Variants in DYNC2H1 observed in about 807,000 individuals in gnomAD.
DYNC2H1 encodes the protein dynein cytoplasmic 2 heavy chain 1.
A neutral mutation model predicts 570.0 loss-of-function variants in DYNC2H1; 410 were observed. The ratio of observed to expected loss-of-function variants is 0.72; its 90% CI spans 0.66 to 0.78. The LOEUF is 0.78. Among genes scored for constraint, DYNC2H1 ranks in the 30% least tolerant of loss-of-function variants. The pLI, the probability that DYNC2H1 is intolerant of heterozygous loss-of-function variation, is 0.00. For synonymous variants in DYNC2H1, 1,688 were observed against 1,677.6 expected (o/e 1.01, Z -0.15); for missense variants, 4,865 against 5,046.4 (o/e 0.96, Z 1.09).
chr11:103,283,049 A>G lies in DYNC2H1; in HGVS notation c.10854A>G (p.Ile3618Met). 6.2e-7 allele frequency: 1 copy of G among 1,608,448 alleles called. No homozygotes were observed. Among genetic ancestry groups the G allele is most frequent in the South Asian group, 1.1e-5 (1 of 89,740 alleles). The change falls in exon 73 of 89, where the codon ATA (isoleucine) becomes ATG (methionine). Residue 3618 changes from isoleucine (I) to methionine (M), a missense_variant. Transcript: ENST00000375735. ...TACGTGATCAGCTTCCGTCTTGGAT[A>G]GATCAGGAACGAAGCTGGGCCGTGG... ...QKIRDQLPSW[I>M]DQERSWAVAT...
At chr11:103,293,572 TA>T (rs1565470659) in intron 75 of DYNC2H1, among the ~76,000 whole-genome samples, 1 of 152,134 alleles carries the variant, frequency 6.6e-6, no homozygotes, top group African/African-American at 2.4e-5. Context: ...CTTTTGAAGT[TA>T]TTTTTTAGAT....
intron 84 of DYNC2H1, chr11:103,406,422 G>A (rs1455036143): frequency 6.6e-6 from 1 of 151,950 alleles, no homozygotes; most frequent in Non-Finnish European, 1.5e-5. Flanking sequence ...AATAGTTGGG[G>A]TAATAAGACT....
chr11:103,219,654 T>A (rs1284949892), intron 55 of DYNC2H1, among the ~76,000 whole-genome samples: 1 of 152,140 alleles, frequency 6.6e-6, no homozygotes, highest in South Asian at 2.1e-4. Flanking sequence ...TTCTATCTTG[T>A]TTAAATTTTA....
At chr11:103,459,260 G>C (rs1944910530) in intron 87 of DYNC2H1, among the ~76,000 whole-genome samples, 1 of 116,888 alleles carries the variant, frequency 8.6e-6, no homozygotes, top group African/African-American at 3.4e-5. Context: ...AGTGAGCCGA[G>C]ATCCCGCCAC....
chr11:103,193,837 C>T (rs1167369101), intron 47 of DYNC2H1, among the ~76,000 whole-genome samples: 2 of 152,120 alleles, frequency 1.3e-5, no homozygotes, highest in African/African-American at 2.4e-5. Context: ...TAAGCCACCA[C>T]ACCCAGCCAG....
chr11:103,431,582 T>C, intron 84 of DYNC2H1, among the ~76,000 whole-genome samples: 1 of 152,182 alleles, frequency 6.6e-6, no homozygotes, highest in South Asian at 2.1e-4. Context: ...ATTATATTAA[T>C]AACTAGGCTC....
At position 103,323,983 on chromosome 11, in the gene DYNC2H1, G is replaced by T; in HGVS notation, c.12032G>T (p.Ser4011Ile). Residue 4011 changes from serine (S) to isoleucine (I), a missense_variant, in exon 82 of 89, where the codon AGT becomes ATT. Transcript: ENST00000375735. ...NIARSSQRMISSQVISQLRIL... is the reference protein window; with the variant it reads ...NIARSSQRMIISQVISQLRIL... ...GCTCGCTCATCTCAGCGCATGATCA[G>T]TTCTCAGGTAACCTAAAAAAAAGAT... 6.3e-7 allele frequency: 1 copy of T among 1,584,128 alleles called. No homozygotes were observed.
intron 82 of DYNC2H1, among the ~76,000 whole-genome samples, chr11:103,355,696 A>T (rs1940302577): frequency 6.6e-6 from 1 of 152,116 alleles, no homozygotes; most frequent in Non-Finnish European, 1.5e-5. Flanking sequence ...CTTCATTTTA[A>T]AAGTTTGTTT....
intron 72 of DYNC2H1, 74 bp from the exon 73 acceptor site, chr11:103,282,934 A>G: frequency 9.5e-7 from 1 of 1,055,746 alleles, no homozygotes. Flanking sequence ...ATAATAAAAT[A>G]GCTAATCAAT....
intron 88 of DYNC2H1, among the ~76,000 whole-genome samples, chr11:103,469,584 TAAA>T (rs1945305096): frequency 6.6e-6 from 1 of 152,154 alleles, no homozygotes; most frequent in Non-Finnish European, 1.5e-5. Context: ...AGGAAAATCT[TAAA>T]AAGCGATAGC....
Position 103,129,316 on chromosome 11 carries a change from T to C in DYNC2H1, c.1953+311T>C, listed in dbSNP as rs1485478595. Among the ~76,000 whole-genome samples, 1 of 152,212 alleles carries C rather than the reference T, an allele frequency of 6.6e-6. No individual in the cohort carries two copies. Among genetic ancestry groups the C allele is most frequent in the Non-Finnish European group, 1.5e-5 (1 of 68,036 alleles). On this transcript the variant is annotated intron_variant, in intron 13 of 88. Coordinates refer to ENST00000375735, the MANE Select transcript of DYNC2H1 (RefSeq NM_001377.3). The surrounding 1 kb of genome is among the most constrained non-coding windows in gnomAD (Gnocchi z 4.1). ...TTATACACAAGCTTCCTTAGACCTT[T>C]CCCACCACCTCCCAATTTTGTAATG...
intron 82 of DYNC2H1, among the ~76,000 whole-genome samples, chr11:103,349,475 A>G (rs1410562962): frequency 6.6e-6 from 1 of 152,132 alleles, no homozygotes; most frequent in African/African-American, 2.4e-5. Flanking sequence ...AGGGTGCGAC[A>G]AAGTATCATC....
Position 103,256,462 on chromosome 11 carries a change from C to T in DYNC2H1, c.10461+222C>T, listed in dbSNP as rs1052568861. 6.6e-6 allele frequency among the ~76,000 whole-genome samples: 1 copy of T among 152,130 alleles called. No individual in the cohort carries two copies. The highest frequency in any genetic ancestry group is 1.5e-5 in the Non-Finnish European group (1 of 68,006). On this transcript the variant is annotated intron_variant, in intron 68 of 88. Coordinates refer to ENST00000375735, the MANE Select transcript of DYNC2H1 (RefSeq NM_001377.3). This position sits in a 1 kb window ranked among gnomAD's most constrained non-coding sequence, Gnocchi z 4.0. ...AGTGTTTGTCAGTATACCCTGCTGCCTTCTACTGATTTCTGGCATAATGTT... is the reference window on the plus strand; with the variant it reads ...AGTGTTTGTCAGTATACCCTGCTGCTTTCTACTGATTTCTGGCATAATGTT...
chr11:103,271,924 C>G (rs913555256), intron 70 of DYNC2H1, among the ~76,000 whole-genome samples: 1 of 152,164 alleles, frequency 6.6e-6, no homozygotes, highest in Non-Finnish European at 1.5e-5. Context: ...CAGGAAACAA[C>G]AGGTGCTGGA....
intron 71 of DYNC2H1, among the ~76,000 whole-genome samples, chr11:103,281,938 A>T (rs1866154026): frequency 6.6e-6 from 1 of 151,998 alleles, no homozygotes; most frequent in South Asian, 2.1e-4. Context: ...ATTGAGACTC[A>T]TATATATAAT....
chr11:103,247,827 A>G (rs1864675335), intron 65 of DYNC2H1, among the ~76,000 whole-genome samples: 1 of 152,014 alleles, frequency 6.6e-6, no homozygotes, highest in South Asian at 2.1e-4. Flanking sequence ...ACCTGTGGTT[A>G]GTTGATGGGT....
chr11:103,270,560 A>C (rs960351645), intron 70 of DYNC2H1, among the ~76,000 whole-genome samples: 2 of 150,658 alleles, frequency 1.3e-5, no homozygotes, highest in African/African-American at 4.9e-5. Context: ...TAGTGATGAA[A>C]ATTATATGAT....
In DYNC2H1 at chr11:103,429,460, T is replaced by TA. The variant is rs35004115; in HGVS notation, c.12367-6472dup. On this transcript the variant is annotated intron_variant, in intron 84 of 88. Coordinates refer to ENST00000375735, the MANE Select transcript of DYNC2H1 (RefSeq NM_001377.3). ...TTTTATAATCCTTTTTCTGTACTGA[T>TA]AAAAAAAAAAATTGAATGCTACAGA... 1.6e-4 allele frequency among the ~76,000 whole-genome samples: 24 copies of TA among 150,658 alleles called. 1 individual carries two copies. The highest frequency in any genetic ancestry group is 1.2e-3 in the East Asian group (6 of 5,132).
intron 34 of DYNC2H1, among the ~76,000 whole-genome samples, chr11:103,172,528 G>A (rs1861618262): frequency 6.6e-6 from 1 of 151,642 alleles, no homozygotes; most frequent in South Asian, 2.1e-4. Flanking sequence ...CTTACTAATT[G>A]CCCATTCATT....
Sources: allele counts gnomAD v4.1 joint callset (sites outside exome capture counted in the v4.1 genomes callset), GRCh38; gene constraint gnomAD v4.1.1; non-coding constraint Gnocchi (gnomAD v3.1); transcripts MANE v1.5; gene names NCBI Gene and HGNC (gene_info 2026-07-23, HGNC 2026-07-21).